SRP72: variants seen among roughly 807,000 people sequenced by gnomAD.
SRP72 encodes the protein signal recognition particle 72.
Under a neutral mutation model 96.3 loss-of-function variants are expected in SRP72, and 49 were observed. The observed-to-expected ratio is 0.51, with a 90% CI of 0.40 to 0.65. SRP72 has a LOEUF of 0.65. Ranked by LOEUF, SRP72 falls within the 30% of genes least tolerant of loss-of-function variation. The pLI is 0.00. For synonymous variants in SRP72, 267 were observed against 275.2 expected, an observed-to-expected ratio of 0.97 and a Z score of 0.30; for missense variants, 736 against 793.3, an observed-to-expected ratio of 0.93 and a Z score of 0.87.
In SRP72 at chr4:56,502,496, C is replaced by CATATAT. The variant is rs35852754; in HGVS notation, c.*647_*652dup. 150 of 113,750 alleles carry CATATAT rather than the reference C, an allele frequency of 1.3e-3. No homozygotes were observed. Among genetic ancestry groups the CATATAT allele is most frequent in the East Asian group, 5.5e-3 (20 of 3,662 alleles). 7.0% of individuals were successfully genotyped at this position (113,750 alleles called of 1,614,324 possible). ...ATATATATATATGTATATATATATACATATATATATATATATAAACATGAA... is the reference window on the plus strand; with the variant it reads ...ATATATATATATGTATATATATATACATATATATATATATATATATATAAACATGAA... On this transcript the variant is annotated 3_prime_UTR_variant, in exon 19 of 19. Transcript: ENST00000642900.
chr4:56,501,610 A>C, intron 18 of SRP72, 74 bp from the exon 19 acceptor site: 1 of 1,328,330 alleles, frequency 7.5e-7, no homozygotes, highest in Non-Finnish European at 1.0e-6. Flanking sequence ...GATAAGTAAA[A>C]CCCATGTACA....
intron 10 of SRP72, among the ~76,000 whole-genome samples, chr4:56,485,445 G>C (rs868420698): frequency 3.7e-4 from 55 of 148,480 alleles, no homozygotes; most frequent in African/African-American, 1.3e-3. Flanking sequence ...CTTTATTATA[G>C]TTGACCCTTT....
rs771569541 is a variant in SRP72, at chr4:56,501,745, G to T, written c.1900G>T (p.Val634Leu). 3.1e-6 allele frequency: 5 copies of T among 1,613,980 alleles called. No individual in the cohort carries two copies. The African/African-American group carries it at 6.7e-5, about 22-fold the overall frequency. ...TSPRPGSAATVSASTSNIIPP... is the reference protein window; with the variant it reads ...TSPRPGSAATLSASTSNIIPP... ...CCCAAGACCTGGCAGTGCTGCAACA[G>T]TATCTGCCTCTACAAGTAACATCAT... The change falls in exon 19 of 19, where the codon GTA becomes TTA. Residue 634 changes from valine (V) to leucine (L), a missense_variant. Coordinates refer to ENST00000642900, the MANE Select transcript of SRP72 (RefSeq NM_006947.4).
Position 56,476,700 on chromosome 4 carries a change from A to C in SRP72, c.640A>C (p.Thr214Pro). 6.2e-7 allele frequency: 1 copy of C among 1,612,588 alleles called. No individual in the cohort carries two copies. Among genetic ancestry groups the C allele is most frequent in the Non-Finnish European group, 8.5e-7 (1 of 1,179,726 alleles). ...DLCRRSLSED[T>P]DGTEEDPQAE... ...TTGCCGCCGTTCATTATCAGAAGAC[A>C]CTGTAAGTATTCCATCATTGTTAAA... Residue 214 changes from threonine to proline, a missense_variant and splice_region_variant, in exon 6 of 19, where the codon ACT becomes CCT. Transcript: ENST00000642900.
At chr4:56,482,484 A>G (rs1482996918) in intron 8 of SRP72, among the ~76,000 whole-genome samples, 1 of 152,106 alleles carries the variant, frequency 6.6e-6, no homozygotes, top group Non-Finnish European at 1.5e-5. Context: ...TTCAGACATA[A>G]TGCTGTTGCA....
At position 56,467,669 on chromosome 4, in the gene SRP72, C is replaced by T. The variant is rs1719786395; in HGVS notation, c.34C>T (p.Pro12Ser). Residue 12 changes from proline (P) to serine (S), a missense_variant, in exon 1 of 19, where the codon CCT becomes TCT. Pro to Ser is a moderately conservative substitution (Grantham distance 74). Coordinates refer to ENST00000642900, the MANE Select transcript of SRP72 (RefSeq NM_006947.4). ...CGGCGGCAGCGGGGGGGTGTCAGTA[C>T]CTGCGCTGTGGAGTGAAGTGAACCG... Reference protein sequence around the residue: ...ASGGSGGVSVPALWSEVNRYG... With the variant: ...ASGGSGGVSVSALWSEVNRYG... 3 of 1,564,774 alleles carry T rather than the reference C, an allele frequency of 1.9e-6. No homozygotes were observed. The highest frequency in any genetic ancestry group is 2.3e-5 in the South Asian group (2 of 85,784).
At chr4:56,483,377 C>A in intron 9 of SRP72, 107 bp downstream of exon 9, 3 of 1,131,098 alleles carry the variant, frequency 2.7e-6, no homozygotes, top group Admixed American at 2.7e-5. Flanking sequence ...TGTATTTTGT[C>A]TTCAACTCAT....
intron 16 of SRP72, among the ~76,000 whole-genome samples, chr4:56,495,064 T>G (rs533392278): frequency 6.6e-6 from 1 of 152,218 alleles, no homozygotes; most frequent in Non-Finnish European, 1.5e-5. Context: ...TGCAAATTAC[T>G]TTTTACATAG....
In SRP72 at chr4:56,487,796, A is replaced by G. The variant is rs575409039; in HGVS notation, c.1160-153A>G. ...AAATGAACAGAGTTCACCATCCCCA[A>G]GACCCCAAAGTTTATATGTTTAGCG... On this transcript the variant is annotated intron_variant, in intron 11 of 18. Coordinates refer to ENST00000642900, the MANE Select transcript of SRP72 (RefSeq NM_006947.4). 7.7e-4 allele frequency among the ~76,000 whole-genome samples: 117 copies of G among 152,286 alleles called. 1 individual carries two copies. Among genetic ancestry groups the G allele is most frequent in the African/African-American group, 2.8e-3 (115 of 41,586 alleles).
At chr4:56,491,738 C>A in intron 16 of SRP72, 170 bp downstream of exon 16, 1 of 591,006 alleles carries the variant, frequency 1.7e-6, no homozygotes, top group Non-Finnish European at 2.7e-6. Flanking sequence ...CCTTTTCCCT[C>A]AGCCCAAAAT....
At chr4:56,500,370 TAAAA>T (rs972486783) in intron 17 of SRP72, 162 bp from the exon 18 acceptor site, 6 of 692,898 alleles carry the variant, frequency 8.7e-6, no homozygotes, top group Non-Finnish European at 1.2e-5. Context: ...TATAATAATT[TAAAA>T]AAAAAGACCA....
rs1560682047 is a variant in SRP72 at position 56,484,051 on chromosome 4, T to TTTTTTTTTTTTTTTTTTC, written c.958-685_958-684insTTTTTTTTTTTTTTTTTC. 3.0e-4 allele frequency among the ~76,000 whole-genome samples: 43 copies of TTTTTTTTTTTTTTTTTTC among 142,794 alleles called. 2 individuals carry two copies. The highest frequency in any genetic ancestry group is 1.1e-3 in the African/African-American group (40 of 38,078). The allele number at this position is 142,794 out of a possible 152,430, so 93.7% of individuals were successfully genotyped here. A position where few individuals can be genotyped will look rare whatever the true frequency, so the allele number is the denominator to read the frequency against. ...ATTTTTTTTTTTTTTTTTTTTTTTT[T>TTTTTTTTTTTTTTTTTTC]GAGATGGAGTCTCGCTCTGTCGCCC... On this transcript the variant is annotated intron_variant, in intron 9 of 18. Transcript: ENST00000642900.
intron 17 of SRP72, chr4:56,500,318 A>T (rs1283739566): frequency 4.6e-6 from 2 of 430,906 alleles, no homozygotes; most frequent in East Asian, 8.7e-5. Context: ...ATACCTATGT[A>T]ACAAACCTGC....
At chr4:56,496,903 C>T (rs1451958165) in intron 17 of SRP72, among the ~76,000 whole-genome samples, 2 of 152,068 alleles carry the variant, frequency 1.3e-5, no homozygotes, top group African/African-American at 4.8e-5. Context: ...GCAGGAGAAT[C>T]GCCTGAACCC....
At chr4:56,482,919 T>C (rs1720559120) in intron 8 of SRP72, among the ~76,000 whole-genome samples, 1 of 152,212 alleles carries the variant, frequency 6.6e-6, no homozygotes, top group Admixed American at 6.5e-5. Flanking sequence ...CTGGGATAAC[T>C]ATATGTACAT....
At chr4:56,498,998 C>G (rs1173563911) in intron 17 of SRP72, among the ~76,000 whole-genome samples, 1 of 152,206 alleles carries the variant, frequency 6.6e-6, no homozygotes, top group Non-Finnish European at 1.5e-5. Context: ...ACGCATCATG[C>G]TACCTGACTT....
intron 8 of SRP72, among the ~76,000 whole-genome samples, chr4:56,480,921 A>C (rs536704744): frequency 6.6e-6 from 1 of 152,340 alleles, no homozygotes; most frequent in South Asian, 2.1e-4. Context: ...CACAAAAAAA[A>C]GTACATATGA....
Position 56,478,415 on chromosome 4 carries a change from A to T in SRP72, c.679A>T (p.Ile227Phe). The T allele has an allele frequency of 6.2e-7, 1 of 1,612,620 alleles. No homozygotes were observed. Among genetic ancestry groups the T allele is most frequent in the Non-Finnish European group, 8.5e-7 (1 of 1,179,748 alleles). The change falls in exon 7 of 19, where the codon ATC becomes TTC. Residue 227 changes from isoleucine (I) to phenylalanine (F), a missense_variant. Coordinates refer to ENST00000642900, the MANE Select transcript of SRP72 (RefSeq NM_006947.4). ...GGAAGACCCACAGGCAGAACTGGCC[A>T]TCATTCATGGTCAGATGGCTTATAT... ...TEEDPQAELA[I>F]IHGQMAYILQ...
At chr4:56,491,761 T>C in intron 16 of SRP72, 193 bp downstream of exon 16, 1 of 474,790 alleles carries the variant, frequency 2.1e-6, no homozygotes, top group Middle Eastern at 5.3e-4. Context: ...ACCTCTGGTA[T>C]TAATTTAATC....
Sources: allele counts gnomAD v4.1 joint callset (sites outside exome capture counted in the v4.1 genomes callset), GRCh38; gene constraint gnomAD v4.1.1; transcripts MANE v1.5; gene names NCBI Gene and HGNC (gene_info 2026-07-23, HGNC 2026-07-21).